CHST8: variants seen among roughly 807,000 people sequenced by gnomAD.
The protein encoded by CHST8 is GALNAC-4-ST1.
In CHST8, 10 loss-of-function variants were observed where a neutral mutation model predicts 15.0. That is an observed-to-expected ratio of 0.67 (90% CI 0.41 to 1.13). The LOEUF is 1.13. Ranked by LOEUF, CHST8 falls within the 50% of genes most tolerant of loss-of-function variation. CHST8 has a pLI of 0.00. For synonymous variants in CHST8, 259 were observed against 256.6 expected, an observed-to-expected ratio of 1.01 and a Z score of -0.09; for missense variants, 634 against 608.2, an observed-to-expected ratio of 1.04 and a Z score of -0.45.
At chr19:33,766,582 C>T (rs987765769) in intron 3 of CHST8, among the ~76,000 whole-genome samples, 4 of 152,194 alleles carry the variant, frequency 2.6e-5, no homozygotes, top group East Asian at 1.9e-4. Context: ...GGGCAGAGGC[C>T]GGCAGCCTGG....
In CHST8 at chr19:33,771,999, C is replaced by A. The variant is rs1974993720; in HGVS notation, c.211C>A (p.Pro71Thr). 6.3e-7 allele frequency: 1 copy of A among 1,592,224 alleles called. No individual in the cohort carries two copies. The highest frequency in any genetic ancestry group is 2.2e-5 in the East Asian group (1 of 44,680). The change falls in exon 5 of 5, where the codon CCC becomes ACC. Residue 71 changes from proline (P) to threonine (T), a missense_variant. By Grantham distance (38) the Pro-to-Thr change is conservative (BLOSUM62 -1). Coordinates refer to ENST00000650847, the MANE Select transcript of CHST8 (RefSeq NM_001127895.2). ...GGSQDGDLKE[P>T]TERVTRDLSS... ...CTCCCAGGATGGTGACTTGAAGGAACCCACAGAGAGGGTCACTCGGGACTT... is the reference window on the plus strand; with the variant it reads ...CTCCCAGGATGGTGACTTGAAGGAAACCACAGAGAGGGTCACTCGGGACTT...
chr19:33,729,895 CT>C (rs1256693317), intron 3 of CHST8, among the ~76,000 whole-genome samples: 1 of 152,204 alleles, frequency 6.6e-6, no homozygotes. Context: ...TGATCCCCAT[CT>C]TCTGTGGGGT....
intron 3 of CHST8, among the ~76,000 whole-genome samples, chr19:33,724,482 G>A (rs906581124): frequency 6.6e-6 from 1 of 152,220 alleles, no homozygotes; most frequent in African/African-American, 2.4e-5. Context: ...CTGCGGGGCT[G>A]GCAGCCGGGC....
intron 1 of CHST8, among the ~76,000 whole-genome samples, chr19:33,628,889 G>T (rs1972089917): frequency 6.6e-6 from 1 of 152,138 alleles, no homozygotes; most frequent in Admixed American, 6.5e-5. Flanking sequence ...AGACAGGGCT[G>T]CCCCCTGGAG....
At chr19:33,740,889 T>C (rs1327396676) in intron 3 of CHST8, among the ~76,000 whole-genome samples, 1 of 152,026 alleles carries the variant, frequency 6.6e-6, no homozygotes, top group Non-Finnish European at 1.5e-5. Context: ...ACCTCACGGG[T>C]TATCCATGGT....
chr19:33,646,180 G>T (rs1972353882), intron 1 of CHST8, among the ~76,000 whole-genome samples: 1 of 152,140 alleles, frequency 6.6e-6, no homozygotes, highest in South Asian at 2.1e-4. Flanking sequence ...GTAGTTGGGA[G>T]ATAAATTCTT....
intron 2 of CHST8, chr19:33,684,627 A>G (rs924328245): frequency 2.6e-5 from 4 of 152,208 alleles, no homozygotes; most frequent in African/African-American, 9.7e-5. Context: ...GAAGAGCCCC[A>G]TCTCAGAAGT....
At chr19:33,698,399 A>AAAAGAAAG (rs3073654) in intron 3 of CHST8, among the ~76,000 whole-genome samples, 26 of 135,818 alleles carry the variant, frequency 1.9e-4, no homozygotes, top group Middle Eastern at 3.4e-3. Context: ...AAAAAAAAAA[A>AAAAGAAAG]AAAGAAAGAA....
At chr19:33,695,260 C>T (rs913250510) in intron 3 of CHST8, among the ~76,000 whole-genome samples, 1 of 152,096 alleles carries the variant, frequency 6.6e-6, no homozygotes, top group South Asian at 2.1e-4. Flanking sequence ...ATGATTCTTA[C>T]AAATAAACGA....
intron 3 of CHST8, among the ~76,000 whole-genome samples, chr19:33,723,568 C>A (rs997480081): frequency 6.6e-6 from 1 of 152,188 alleles, no homozygotes; most frequent in Non-Finnish European, 1.5e-5. Context: ...GTGGCTGGAA[C>A]CCTGTGCTCA....
At chr19:33,714,450 C>A (rs1013788238) in intron 3 of CHST8, among the ~76,000 whole-genome samples, 3 of 152,202 alleles carry the variant, frequency 2.0e-5, no homozygotes, top group Non-Finnish European at 1.5e-5. Context: ...ACGATGGGTA[C>A]CCATGGACAT....
chr19:33,705,534 T>C (rs1166928370), intron 3 of CHST8, among the ~76,000 whole-genome samples: 1 of 152,220 alleles, frequency 6.6e-6, no homozygotes, highest in African/African-American at 2.4e-5. Context: ...TCTGTTGCTG[T>C]AGCAAAGGAA....
intron 2 of CHST8, among the ~76,000 whole-genome samples, chr19:33,683,460 C>G (rs899864382): frequency 6.6e-6 from 1 of 152,200 alleles, no homozygotes; most frequent in African/African-American, 2.4e-5. Context: ...AGCTTTAAGG[C>G]TCCACTGGGC....
At chr19:33,683,508 T>G (rs963078576) in intron 2 of CHST8, among the ~76,000 whole-genome samples, 1 of 152,162 alleles carries the variant, frequency 6.6e-6, no homozygotes, top group Non-Finnish European at 1.5e-5. Flanking sequence ...CTTCCTTGCC[T>G]CCTGTCATAG....
intron 3 of CHST8, among the ~76,000 whole-genome samples, chr19:33,736,755 ACGTT>A (rs1423959388): frequency 1.3e-5 from 2 of 152,174 alleles, no homozygotes; most frequent in Non-Finnish European, 2.9e-5. Context: ...CATACTGCAG[ACGTT>A]GGGAGTCTGC....
chr19:33,662,133 T>G (rs1200247011), intron 1 of CHST8, among the ~76,000 whole-genome samples: 1 of 152,050 alleles, frequency 6.6e-6, no homozygotes, highest in Non-Finnish European at 1.5e-5. Flanking sequence ...CAGGCTGGAG[T>G]GCAGTGGCAT....
chr19:33,664,841 A>G (rs1282434280), intron 1 of CHST8, among the ~76,000 whole-genome samples: 1 of 152,164 alleles, frequency 6.6e-6, no homozygotes, highest in Non-Finnish European at 1.5e-5. Flanking sequence ...GAGTGAGAAC[A>G]TAATGATATT....
At chr19:33,751,076 G>A (rs941932544) in intron 3 of CHST8, among the ~76,000 whole-genome samples, 2 of 152,182 alleles carry the variant, frequency 1.3e-5, no homozygotes, top group African/African-American at 4.8e-5. Context: ...AGATGCTGTT[G>A]CAGAAAATGG....
At chr19:33,757,500 A>C (rs1467762304) in intron 3 of CHST8, among the ~76,000 whole-genome samples, 1 of 50,934 alleles carries the variant, frequency 2.0e-5, no homozygotes, top group Non-Finnish European at 4.0e-5. Flanking sequence ...GAAAGAAAGA[A>C]AGAAAGAAAG....
Sources: gnomAD v4.1 joint callset for allele counts (sites outside exome capture counted in the v4.1 genomes callset) on GRCh38, gnomAD v4.1.1 for gene constraint, MANE v1.5 for transcripts, NCBI Gene and HGNC (gene_info 2026-07-23, HGNC 2026-07-21) for gene names.